CHRNB4: variants seen among roughly 807,000 people sequenced by gnomAD.
CHRNB4 encodes neuronal acetylcholine receptor subunit beta-4.
A neutral mutation model predicts 40.4 loss-of-function variants in CHRNB4; 23 were observed. That is an observed-to-expected ratio of 0.57 (90% CI 0.41 to 0.81). The LOEUF (loss-of-function observed/expected upper bound fraction) is 0.81. CHRNB4 is among the 30% of genes least tolerant of loss of function. CHRNB4 has a pLI of 0.00. For synonymous variants in CHRNB4, 285 were observed against 274.4 expected (o/e 1.04, Z -0.38); for missense variants, 568 against 670.6 (o/e 0.85, Z 1.69).
Position 78,625,106 on chromosome 15 carries a change from CCT to C in CHRNB4, c.*25_*26del. 6.2e-7 allele frequency: 1 copy of C among 1,613,874 alleles called. No individual in the cohort carries two copies. Among genetic ancestry groups the C allele is most frequent in the East Asian group, 2.2e-5 (1 of 44,890 alleles). ...AAAGTGCCCACCCGGCCACTCACAT[CCT>C]CTCACCCCACAACCCAGGGGGCCCT... is the stretch of plus-strand genomic sequence containing the variant. On this transcript the variant is annotated 3_prime_UTR_variant, in exon 6 of 6. Transcript: ENST00000261751.
At chr15:78,637,763 G>T (rs1363369624) in intron 1 of CHRNB4, among the ~76,000 whole-genome samples, 1 of 152,198 alleles carries the variant, frequency 6.6e-6, no homozygotes, top group African/African-American at 2.4e-5. Flanking sequence ...ATCTGGAACA[G>T]ATGCAATATT....
intron 5 of CHRNB4, among the ~76,000 whole-genome samples, chr15:78,654,075 G>C (rs1358450296): frequency 2.0e-5 from 3 of 152,242 alleles, no homozygotes; most frequent in East Asian, 3.9e-4. Context: ...CCTTTCACTT[G>C]TTCACATAGC....
chr15:78,660,811 G>A (rs921049777), upstream of CHRNB4: 2 of 283,670 alleles, frequency 7.1e-6, no homozygotes, highest in East Asian at 9.1e-5. Flanking sequence ...TGTCCCAAGA[G>A]AGGCGGGGCT....
At chr15:78,660,035 C>G (rs1470798092) in intron 1 of CHRNB4, among the ~76,000 whole-genome samples, 1 of 151,948 alleles carries the variant, frequency 6.6e-6, no homozygotes, top group African/African-American at 2.4e-5. Flanking sequence ...GGTGAAACCC[C>G]TTCTCTACTA....
intron 1 of CHRNB4, among the ~76,000 whole-genome samples, chr15:78,638,230 C>T (rs1296547907): frequency 6.6e-6 from 1 of 152,226 alleles, no homozygotes; most frequent in Non-Finnish European, 1.5e-5. Context: ...TCCGAGCCCA[C>T]CTGATGTGCC....
chr15:78,630,927 CCT>C (rs1281647627), intron 4 of CHRNB4, 147 bp downstream of exon 4: 3 of 646,200 alleles, frequency 4.6e-6, no homozygotes, highest in Admixed American at 2.5e-5. Flanking sequence ...GCTCTGCTCA[CCT>C]CTGTTTCTCT....
At position 78,629,126 on chromosome 15, in the gene CHRNB4, G is replaced by A. The variant is rs2053730820; in HGVS notation, c.1179C>T (p.Ala393=). 1 of 1,614,064 alleles carries A rather than the reference G, an allele frequency of 6.2e-7. No individual in the cohort carries two copies. The highest frequency in any genetic ancestry group is 8.5e-7 in the Non-Finnish European group (1 of 1,180,032). The change falls in exon 5 of 6, where the codon GCC becomes GCT. Residue 393 remains alanine (A), a synonymous_variant. Transcript: ENST00000261751. The surrounding 1 kb of genome is among the most constrained non-coding windows in gnomAD (Gnocchi z 6.8). ...YGNSMYFVNP[A]SAASKSPAGS... Reference sequence around the variant, plus strand: ...CGGCTGGAGACTTGGAAGCTGCAGAGGCGGGGTTCACAAAGTACATGGAGT... The same window carrying A: ...CGGCTGGAGACTTGGAAGCTGCAGAAGCGGGGTTCACAAAGTACATGGAGT...
Position 78,629,183 on chromosome 15 carries a change from G to A in CHRNB4, c.1122C>T (p.Ala374=), listed in dbSNP as rs1209466005. 3 of 1,613,876 alleles carry A rather than the reference G, an allele frequency of 1.9e-6. No individual in the cohort carries two copies. ...KSCVTKPEAT[A]TSTSPSNFYG... ...AGAAGTTGGAGGGGCTGGTGGAGGT[G>A]GCGGTGGCCTCGGGCTTGGTCACGC... The change falls in exon 5 of 6, where the codon GCC becomes GCT. Residue 374 remains alanine (A), a synonymous_variant. Transcript: ENST00000261751. This position sits in a 1 kb window ranked among gnomAD's most constrained non-coding sequence, Gnocchi z 6.8.
upstream of CHRNB4, among the ~76,000 whole-genome samples, chr15:78,642,118 C>T (rs1567134594): frequency 6.6e-6 from 1 of 152,206 alleles, no homozygotes; most frequent in Non-Finnish European, 1.5e-5. Context: ...AGCTTTGCCA[C>T]CTTATCTCCA....
chr15:78,629,190 G>T lies in CHRNB4; in HGVS notation c.1115C>A (p.Ala372Asp). Residue 372 changes from alanine (A) to aspartate (D), a missense_variant, in exon 5 of 6, where the codon GCC (alanine) becomes GAC (aspartate). This residue lies in a region of CHRNB4 where 242 missense variants were observed against 274.9 expected (regional missense o/e 0.88). Coordinates refer to ENST00000261751, the MANE Select transcript of CHRNB4 (RefSeq NM_000750.5). The surrounding 1 kb of genome is among the most constrained non-coding windows in gnomAD (Gnocchi z 6.8). ...PSKSCVTKPEATATSTSPSNF... is the reference protein window; with the variant it reads ...PSKSCVTKPEDTATSTSPSNF... ...GGAGGGGCTGGTGGAGGTGGCGGTG[G>T]CCTCGGGCTTGGTCACGCATGACTT... is the stretch of plus-strand genomic sequence containing the variant. The T allele has an allele frequency of 6.2e-7, 1 of 1,613,980 alleles. No individual in the cohort carries two copies. Among genetic ancestry groups the T allele is most frequent in the Non-Finnish European group, 8.5e-7 (1 of 1,179,912 alleles).
At chr15:78,660,206 T>TAAA (rs34647677) in intron 1 of CHRNB4, among the ~76,000 whole-genome samples, 3,314 of 143,578 alleles carry the variant, frequency 0.023, 64 homozygotes, top group African/African-American at 0.049. Flanking sequence ...GACTCCGTCT[T>TAAA]AAAAAAAAAA....
intron 2 of CHRNB4, among the ~76,000 whole-genome samples, chr15:78,632,171 C>CTT (rs1555422142): frequency 6.7e-4 from 3 of 4,448 alleles, no homozygotes; most frequent in African/African-American, 7.8e-4. Flanking sequence ...TCTTTTCTTT[C>CTT]TCTTTCTTTC....
In CHRNB4 at chr15:78,654,379, G is replaced by A. The variant is rs538263152; in HGVS notation, c.-110+1165C>T. On this transcript the variant is annotated intron_variant and NMD_transcript_variant, in intron 5 of 11. Coordinates refer to the CHRNB4 transcript ENST00000559849. Reference sequence around the variant, plus strand: ...CTTAAACAATAACAATGACCGCAAAGAACATGCATTCAGTGCTTTCCCATC... The same window carrying A: ...CTTAAACAATAACAATGACCGCAAAAAACATGCATTCAGTGCTTTCCCATC... Among the ~76,000 whole-genome samples, 74 of 152,334 alleles carry A rather than the reference G, an allele frequency of 4.9e-4. 1 individual carries two copies. In the South Asian group the frequency reaches 0.015, roughly 31 times the overall value.
At chr15:78,644,589 CAGTCTCTGGTATTTTGTTAT>C (rs1430514136), upstream of CHRNB4, among the ~76,000 whole-genome samples, 4 of 152,112 alleles carry the variant, frequency 2.6e-5, no homozygotes, top group Admixed American at 2.6e-4. Flanking sequence ...GTAAATTACC[CAGTCTCTGGTATTTTGTTAT>C]AGCACTACAA....
intron 2 of CHRNB4, among the ~76,000 whole-genome samples, chr15:78,633,393 A>G (rs1300546491): frequency 6.6e-6 from 1 of 152,192 alleles, no homozygotes; most frequent in African/African-American, 2.4e-5. Flanking sequence ...GATTCTTTCC[A>G]ACTTTCTTCT....
intron 6 of CHRNB4, among the ~76,000 whole-genome samples, chr15:78,650,727 A>ATGT (rs2054165169): frequency 6.6e-6 from 1 of 152,210 alleles, no homozygotes; most frequent in African/African-American, 2.4e-5. Context: ...GTGTACAGCA[A>ATGT]GTCAATCACT....
chr15:78,659,040 T>C (rs1166173302), intron 1 of CHRNB4, among the ~76,000 whole-genome samples: 2 of 152,236 alleles, frequency 1.3e-5, no homozygotes, highest in East Asian at 3.8e-4. Flanking sequence ...GTCACTGTTC[T>C]AAGTCCTAGG....
At chr15:78,658,013 C>A (rs551708812) in intron 2 of CHRNB4, among the ~76,000 whole-genome samples, 17 of 145,386 alleles carry the variant, frequency 1.2e-4, no homozygotes, top group Non-Finnish European at 1.5e-4. Flanking sequence ...CTCACAATGA[C>A]TGTCTCTTGT....
chr15:78,638,919 G>A (rs1389364360), intron 1 of CHRNB4, among the ~76,000 whole-genome samples: 1 of 152,168 alleles, frequency 6.6e-6, no homozygotes, highest in African/African-American at 2.4e-5. Context: ...CCGCCACTAG[G>A]GGTCAGTCAT....
Sources: gnomAD v4.1 joint callset for allele counts (sites outside exome capture counted in the v4.1 genomes callset) on GRCh38, gnomAD v4.1.1 for gene constraint, gnomAD v4.1.1 regional missense constraint, Gnocchi (gnomAD v3.1) non-coding constraint, MANE v1.5 for transcripts, NCBI Gene and HGNC (gene_info 2026-07-23, HGNC 2026-07-21) for gene names.